The following SHISA9 variants were observed in gnomAD, a reference collection of about 807,000 sequenced individuals.
SHISA9 encodes protein shisa-9.
SHISA9 carries 13 observed loss-of-function variants against 38.0 expected under a neutral mutation model. That is an observed-to-expected ratio of 0.34 (90% CI 0.22 to 0.54). SHISA9 has a LOEUF of 0.54. Ranked by LOEUF, SHISA9 falls within the 20% of genes least tolerant of loss-of-function variation. The pLI, the probability that SHISA9 is intolerant of heterozygous loss-of-function variation, is 0.91. For missense variants in SHISA9, 538 were observed against 575.8 expected (o/e 0.93, Z 0.67); for synonymous variants, 275 against 242.0 (o/e 1.14, Z -1.27).
At position 13,109,427 on chromosome 16, in the gene SHISA9, G is replaced by A. The variant is rs184524390; in HGVS notation, c.692-93967G>A. On this transcript the variant is annotated intron_variant, in intron 2 of 4. Transcript: ENST00000558583. ...CTGCTTGCATCTCTCCTCATGCTCA[G>A]GGATGGGCTGGTGGGTGAAAATCTT... Among the ~76,000 whole-genome samples, 14 of 152,260 alleles carry A rather than the reference G, an allele frequency of 9.2e-5. No individual in the cohort carries two copies. In the East Asian group the frequency reaches 2.5e-3, roughly 27 times the overall value.
the SHISA9 span, among the ~76,000 whole-genome samples, chr16:13,486,953 C>T: frequency 1.3e-5 from 2 of 152,364 alleles, no homozygotes; most frequent in South Asian, 2.1e-4. Flanking sequence ...ATCCACCTGC[C>T]TTGGCCTCCC....
At chr16:13,195,438 A>C (rs1356022542) in intron 2 of SHISA9, among the ~76,000 whole-genome samples, 1 of 152,258 alleles carries the variant, frequency 6.6e-6, no homozygotes, top group Admixed American at 6.5e-5. Context: ...GATTGAATCA[A>C]TACATAAATG....
chr16:13,230,303 A>T (rs1439116499), intron 4 of SHISA9, among the ~76,000 whole-genome samples: 2 of 152,130 alleles, frequency 1.3e-5, no homozygotes, highest in African/African-American at 4.8e-5. Flanking sequence ...AGACTGCAAC[A>T]TGGAGAAAGG....
intron 2 of SHISA9, among the ~76,000 whole-genome samples, chr16:12,970,429 A>G (rs1425865362): frequency 0.064 from 4,214 of 65,752 alleles, 197 homozygotes; most frequent in Non-Finnish European, 0.085. Flanking sequence ...ACATATATGT[A>G]TATATATATA....
In SHISA9 at chr16:13,235,181, GTCCC is replaced by G; in HGVS notation, c.1048_1051del (p.Ser350AlafsTer72). The G allele has an allele frequency of 6.4e-7, 1 of 1,551,732 alleles. No homozygotes were observed. The highest frequency in any genetic ancestry group is 8.7e-7 in the Non-Finnish European group (1 of 1,146,998). On this transcript the variant is annotated frameshift_variant, in exon 5 of 5. Coordinates refer to ENST00000558583, the MANE Select transcript of SHISA9 (RefSeq NM_001145204.3). LOFTEE classifies it high-confidence loss of function. ...GTCCTGCCAAGCAGAATGGACAGAA[GTCCC>G]GCACCAACAAGATGCCCCCACATCC...
intron 4 of SHISA9, 135 bp downstream of exon 4, chr16:13,213,435 C>A (rs541871751): frequency 2.7e-6 from 2 of 732,074 alleles, no homozygotes; most frequent in East Asian, 5.5e-5. Flanking sequence ...TCTGCAAGTC[C>A]GTCTAAGTTC....
chr16:13,268,312 C>G, the SHISA9 span, among the ~76,000 whole-genome samples: 3 of 152,096 alleles, frequency 2.0e-5, no homozygotes, highest in Non-Finnish European at 4.4e-5. Flanking sequence ...GAGTTTGACA[C>G]CAGCCTGACC....
chr16:13,108,775 A>C (rs941916775), intron 2 of SHISA9, among the ~76,000 whole-genome samples: 1 of 152,226 alleles, frequency 6.6e-6, no homozygotes, highest in Non-Finnish European at 1.5e-5. Flanking sequence ...TTATTTATTT[A>C]AGAATTTTTA....
the SHISA9 span, among the ~76,000 whole-genome samples, chr16:13,294,085 T>C: frequency 6.6e-6 from 1 of 152,226 alleles, no homozygotes; most frequent in Non-Finnish European, 1.5e-5. Context: ...TGGTCATTTC[T>C]AACACAGATG....
chr16:13,049,328 A>G (rs2073224961), intron 2 of SHISA9, among the ~76,000 whole-genome samples: 2 of 152,134 alleles, frequency 1.3e-5, no homozygotes, highest in Admixed American at 6.6e-5. Flanking sequence ...CCCCATCTGT[A>G]AAATAATCAG....
chr16:12,996,928 T>C (rs2141837600), intron 2 of SHISA9, among the ~76,000 whole-genome samples: 2 of 152,326 alleles, frequency 1.3e-5, no homozygotes, highest in East Asian at 1.9e-4. Flanking sequence ...TCAGCTTGCA[T>C]GAAATTCACT....
the SHISA9 span, among the ~76,000 whole-genome samples, chr16:13,311,297 G>A: frequency 5.9e-5 from 9 of 151,610 alleles, no homozygotes; most frequent in East Asian, 1.4e-3. Flanking sequence ...TTAAATTTCC[G>A]CTAAAGAATA....
the SHISA9 span, among the ~76,000 whole-genome samples, chr16:13,432,159 T>C: frequency 6.6e-6 from 1 of 152,166 alleles, no homozygotes; most frequent in Non-Finnish European, 1.5e-5. Flanking sequence ...GGCTATAATC[T>C]CTGATAGGTA....
chr16:13,310,648 T>A, the SHISA9 span, among the ~76,000 whole-genome samples: 1 of 151,746 alleles, frequency 6.6e-6, no homozygotes, highest in Admixed American at 6.6e-5. Context: ...GTCTAAATTC[T>A]CCACTGCATT....
intron 2 of SHISA9, among the ~76,000 whole-genome samples, chr16:12,954,192 TG>T (rs1375857594): frequency 6.6e-6 from 1 of 152,208 alleles, no homozygotes; most frequent in East Asian, 1.9e-4. Flanking sequence ...AGGGCATGGC[TG>T]AGCAGCAGGA....
chr16:13,172,066 C>A (rs117409403), intron 2 of SHISA9, among the ~76,000 whole-genome samples: 1 of 152,030 alleles, frequency 6.6e-6, no homozygotes, highest in Non-Finnish European at 1.5e-5. Flanking sequence ...TCCTTTCCCC[C>A]CTTTCCCTCC....
intron 1 of SHISA9, among the ~76,000 whole-genome samples, chr16:12,913,900 C>T (rs1233321248): frequency 6.6e-6 from 1 of 152,070 alleles, no homozygotes; most frequent in Non-Finnish European, 1.5e-5. Flanking sequence ...CTCGTGTGTC[C>T]ATTCATCAGC....
rs770997980 is a variant in SHISA9, at chr16:13,203,378, G to C, written c.692-16G>C. 6.6e-7 allele frequency: 1 copy of C among 1,515,834 alleles called. No homozygotes were observed. The highest frequency in any genetic ancestry group is 1.3e-5 in the South Asian group (1 of 76,576). The allele number at this position is 1,515,834 out of a possible 1,614,324, so 93.9% of individuals were successfully genotyped here. ...GCCCTGTCTGTGACAATCTCCTTCT[G>C]TGTCTTCACTTCCAGATGCCACCCA... is the stretch of plus-strand genomic sequence containing the variant. On this transcript the variant is annotated splice_polypyrimidine_tract_variant and intron_variant, in intron 2 of 4. Coordinates refer to ENST00000558583, the MANE Select transcript of SHISA9 (RefSeq NM_001145204.3).
chr16:13,060,259 C>T (rs1469740191), intron 2 of SHISA9, among the ~76,000 whole-genome samples: 1 of 152,148 alleles, frequency 6.6e-6, no homozygotes, highest in African/African-American at 2.4e-5. Flanking sequence ...TCCTTCCTTT[C>T]TCTGACAGAA....
Sources: allele counts gnomAD v4.1 joint callset (sites outside exome capture counted in the v4.1 genomes callset), GRCh38; gene constraint gnomAD v4.1.1; transcripts MANE v1.5; gene names NCBI Gene and HGNC (gene_info 2026-07-23, HGNC 2026-07-21).